AGPAT4: variants seen among roughly 807,000 people sequenced by gnomAD.
AGPAT4 encodes 1-acylglycerol-3-phosphate O-acyltransferase 4.
In AGPAT4, 15 loss-of-function variants were observed where a neutral mutation model predicts 48.0. The observed-to-expected ratio is 0.31, with a 90% CI of 0.21 to 0.48. The LOEUF is 0.48. Ranked by LOEUF, AGPAT4 falls within the 20% of genes least tolerant of loss-of-function variation. The pLI, the probability that AGPAT4 is intolerant of heterozygous loss-of-function variation, is 0.99. For missense variants in AGPAT4, 314 were observed against 482.5 expected (o/e 0.65, Z 3.27); for synonymous variants, 178 against 198.7 (o/e 0.90, Z 0.88).
intron 1 of AGPAT4, among the ~76,000 whole-genome samples, chr6:161,269,145 C>T (rs186016384): frequency 6.6e-4 from 101 of 152,196 alleles, no homozygotes; most frequent in Non-Finnish European, 4.1e-4. Flanking sequence ...CTGTTGTCAC[C>T]TGGAAATCTA....
At chr6:161,248,221 C>T (rs946393772) in intron 1 of AGPAT4, among the ~76,000 whole-genome samples, 56 of 152,122 alleles carry the variant, frequency 3.7e-4, no homozygotes, top group Admixed American at 2.9e-3. Context: ...TATACACCAA[C>T]AATAGACAAG....
In AGPAT4 at chr6:161,249,505, G is replaced by A. The variant is rs1782748947; in HGVS notation, c.-89-17203C>T. ...CAACCCCATTAAAAAGTGGGCAAAG[G>A]ACATGAACAGACACTTTTCAGAAGA... On this transcript the variant is annotated intron_variant, in intron 1 of 8. Transcript: ENST00000320285. This position sits in a 1 kb window ranked among gnomAD's most constrained non-coding sequence, Gnocchi z 6.2. 1.3e-5 allele frequency among the ~76,000 whole-genome samples: 2 copies of A among 151,952 alleles called. No homozygotes were observed. The highest frequency in any genetic ancestry group is 2.9e-5 in the Non-Finnish European group (2 of 68,000).
chr6:161,272,606 A>T lies in AGPAT4; in HGVS notation c.-90+1332T>A, dbSNP rs6930587. Among the ~76,000 whole-genome samples the T allele has an allele frequency of 0.38, 58,017 of 151,860 alleles. 13,283 individuals carry two copies. Among genetic ancestry groups the T allele is most frequent in the African/African-American group, 0.63 (26,114 of 41,362 alleles). ...TCTCATTTCATATTTTTTCTGAATA[A>T]CAGTTTTTCTCCCCATAGAGAATAT... On this transcript the variant is annotated intron_variant, in intron 1 of 8. Transcript: ENST00000320285. The surrounding 1 kb of genome is among the most constrained non-coding windows in gnomAD (Gnocchi z 4.2).
chr6:161,133,422 A>T lies in AGPAT4; in HGVS notation c.*3118T>A, dbSNP rs929043487. On this transcript the variant is annotated 3_prime_UTR_variant, in exon 9 of 9. Coordinates refer to ENST00000320285, the MANE Select transcript of AGPAT4 (RefSeq NM_020133.3). ...CGAGATATTCCAGTACTACTGTGTGATCATATGAAAAAAGTTGGTTTTCTC... is the reference window on the plus strand; with the variant it reads ...CGAGATATTCCAGTACTACTGTGTGTTCATATGAAAAAAGTTGGTTTTCTC... 2 of 152,164 alleles carry T rather than the reference A, an allele frequency of 1.3e-5. No homozygotes were observed. Among genetic ancestry groups the T allele is most frequent in the Non-Finnish European group, 2.9e-5 (2 of 68,028 alleles). The allele number at this position is 152,164 out of a possible 1,614,324, so 9.4% of individuals were successfully genotyped here. A position where few individuals can be genotyped will look rare whatever the true frequency, so the allele number is the denominator to read the frequency against.
In AGPAT4 at chr6:161,184,104, C is replaced by T. The variant is rs1336438786; in HGVS notation, c.179-17687G>A. ...TTTGCCCACTGGTGTACATCCAGTGCCTGGAACTGGGGACACATTTCAGAG... is the reference window on the plus strand; with the variant it reads ...TTTGCCCACTGGTGTACATCCAGTGTCTGGAACTGGGGACACATTTCAGAG... On this transcript the variant is annotated intron_variant, in intron 2 of 8. Transcript: ENST00000320285. The surrounding 1 kb of genome is among the most constrained non-coding windows in gnomAD (Gnocchi z 4.8). 6.6e-6 allele frequency among the ~76,000 whole-genome samples: 1 copy of T among 152,048 alleles called. No homozygotes were observed.
rs1458153995 is a variant in AGPAT4, at chr6:161,226,678, T to C, written c.178+5358A>G. 6.6e-6 allele frequency among the ~76,000 whole-genome samples: 1 copy of C among 152,188 alleles called. No homozygotes were observed. The highest frequency in any genetic ancestry group is 2.4e-5 in the African/African-American group (1 of 41,452). Reference sequence around the variant, plus strand: ...GCTAGGTTCACTTTGTATAAAATTTTAACACATAGAATGAAAGCAGATGAT... The same window carrying C: ...GCTAGGTTCACTTTGTATAAAATTTCAACACATAGAATGAAAGCAGATGAT... On this transcript the variant is annotated intron_variant, in intron 2 of 8. Transcript: ENST00000320285. The surrounding 1 kb of genome is among the most constrained non-coding windows in gnomAD (Gnocchi z 6.3).
Position 161,261,935 on chromosome 6 carries a change from T to A in AGPAT4, c.-90+12003A>T, listed in dbSNP as rs1399812206. Among the ~76,000 whole-genome samples the A allele has an allele frequency of 6.6e-6, 1 of 152,154 alleles. No homozygotes were observed. Among genetic ancestry groups the A allele is most frequent in the African/African-American group, 2.4e-5 (1 of 41,424 alleles). On this transcript the variant is annotated intron_variant, in intron 1 of 8. Coordinates refer to ENST00000320285, the MANE Select transcript of AGPAT4 (RefSeq NM_020133.3). This position sits in a 1 kb window ranked among gnomAD's most constrained non-coding sequence, Gnocchi z 5.3. Reference sequence around the variant, plus strand: ...TTTGCCTGTATGAGCTGTGCAGCCCTGGGAAGACTGCTGACCCCCAGGCTC... The same window carrying A: ...TTTGCCTGTATGAGCTGTGCAGCCCAGGGAAGACTGCTGACCCCCAGGCTC...
chr6:161,181,918 T>C (rs1483518840), intron 2 of AGPAT4, among the ~76,000 whole-genome samples: 1 of 152,164 alleles, frequency 6.6e-6, no homozygotes, highest in Non-Finnish European at 1.5e-5. Flanking sequence ...AATCTTACTC[T>C]TTTATGTGTA....
rs899389897 is a variant in AGPAT4, at chr6:161,139,390, C to T, written c.1042+32G>A. The T allele has an allele frequency of 1.2e-6, 2 of 1,609,970 alleles. No individual in the cohort carries two copies. Among genetic ancestry groups the T allele is most frequent in the Non-Finnish European group, 1.7e-6 (2 of 1,177,174 alleles). On this transcript the variant is annotated intron_variant, in intron 8 of 8. Coordinates refer to ENST00000320285, the MANE Select transcript of AGPAT4 (RefSeq NM_020133.3). This position sits in a 1 kb window ranked among gnomAD's most constrained non-coding sequence, Gnocchi z 9.1. ...GCCACCTCTCCCAGGGTGGTGCTGT[C>T]AGCACCCACCAGCCCCTTGCCCTCC...
At position 161,178,702 on chromosome 6, in the gene AGPAT4, G is replaced by A. The variant is rs766335648; in HGVS notation, c.179-12285C>T. Among the ~76,000 whole-genome samples, 11 of 152,262 alleles carry A rather than the reference G, an allele frequency of 7.2e-5. No homozygotes were observed. The highest frequency in any genetic ancestry group is 2.1e-4 in the South Asian group (1 of 4,824). ...GAAGTGCAGAAATCACCCATCTTCC[G>A]CATCACTCACACTGGGAGCTGTAGA... is the stretch of plus-strand genomic sequence containing the variant. On this transcript the variant is annotated intron_variant, in intron 2 of 8. Transcript: ENST00000320285. This position sits in a 1 kb window ranked among gnomAD's most constrained non-coding sequence, Gnocchi z 5.1.
At chr6:161,269,055 A>G (rs1450110465) in intron 1 of AGPAT4, among the ~76,000 whole-genome samples, 1 of 152,242 alleles carries the variant, frequency 6.6e-6, no homozygotes, top group Non-Finnish European at 1.5e-5. Context: ...GAGGATATTC[A>G]GTGAACTAAT....
intron 2 of AGPAT4, among the ~76,000 whole-genome samples, chr6:161,224,640 CAAAAAAAAA>C (rs71543000): frequency 1.3e-5 from 1 of 78,674 alleles, no homozygotes; most frequent in Non-Finnish European, 2.4e-5. Flanking sequence ...GACTCCTTCT[CAAAAAAAAA>C]AAAAAAAAAA....
intron 2 of AGPAT4, among the ~76,000 whole-genome samples, chr6:161,224,769 T>C (rs1781928070): frequency 6.6e-6 from 1 of 151,976 alleles, no homozygotes; most frequent in African/African-American, 2.4e-5. Context: ...AGGTGCTGAA[T>C]ACTTCTTGAA....
rs1375144242 is a variant in AGPAT4, at chr6:161,219,872, T to TAGATAGATAGATAGATAGGCAGGC, written c.178+12163_178+12164insGCCTGCCTATCTATCTATCTATCT. 3.3e-5 allele frequency among the ~76,000 whole-genome samples: 4 copies of TAGATAGATAGATAGATAGGCAGGC among 121,166 alleles called. No individual in the cohort carries two copies. The highest frequency in any genetic ancestry group is 8.5e-5 in the Admixed American group (1 of 11,760). The allele number at this position is 121,166 out of a possible 152,430, so 79.5% of individuals were successfully genotyped here. On this transcript the variant is annotated intron_variant, in intron 2 of 8. Transcript: ENST00000320285. This position sits in a 1 kb window ranked among gnomAD's most constrained non-coding sequence, Gnocchi z 4.9. Reference sequence around the variant, plus strand: ...ATAGATAGATAGATAGATAGATAGATAGGCAGGCAGGCAGGCAGGCAGGCA... The same window carrying TAGATAGATAGATAGATAGGCAGGC: ...ATAGATAGATAGATAGATAGATAGATAGATAGATAGATAGATAGGCAGGCAGGCAGGCAGGCAGGCAGGCAGGCA...
At chr6:161,239,577 A>C (rs1269874947) in intron 1 of AGPAT4, among the ~76,000 whole-genome samples, 2 of 152,244 alleles carry the variant, frequency 1.3e-5, no homozygotes, top group African/African-American at 2.4e-5. Flanking sequence ...CAAAGAAATC[A>C]GTCCAAGAAG....
intron 2 of AGPAT4, among the ~76,000 whole-genome samples, chr6:161,224,174 T>C (rs1377588838): frequency 6.6e-6 from 1 of 152,164 alleles, no homozygotes; most frequent in East Asian, 1.9e-4. Flanking sequence ...TTGTTGTTGC[T>C]TGTTTGTTTG....
chr6:161,232,274 G>T lies in AGPAT4; in HGVS notation c.-61C>A. On this transcript the variant is annotated 5_prime_UTR_variant, in exon 2 of 9. Transcript: ENST00000320285. The surrounding 1 kb of genome is among the most constrained non-coding windows in gnomAD (Gnocchi z 6.8). ...ACCCACAGTCAAAGATTTCCAGAAG[G>T]AAGAAAGATCCAGGACTCAGGAAGG... is the stretch of plus-strand genomic sequence containing the variant. 1 of 1,525,888 alleles carries T rather than the reference G, an allele frequency of 6.6e-7. No homozygotes were observed. The highest frequency in any genetic ancestry group is 8.9e-7 in the Non-Finnish European group (1 of 1,123,160). 94.5% of individuals were successfully genotyped at this position (1,525,888 alleles called of 1,614,324 possible).
rs118145568 is a variant in AGPAT4 at position 161,165,325 on chromosome 6, C to T, written c.348+923G>A. Among the ~76,000 whole-genome samples, 8,208 of 152,234 alleles carry T rather than the reference C, an allele frequency of 0.054. 325 individuals carry two copies. Among genetic ancestry groups the T allele is most frequent in the Non-Finnish European group, 0.07 (4,768 of 67,992 alleles). ...GCTATCTTCATCTGCCTCCAGGAACCAGACCCGTCTAGTTCCCTATGTCCT... is the reference window on the plus strand; with the variant it reads ...GCTATCTTCATCTGCCTCCAGGAACTAGACCCGTCTAGTTCCCTATGTCCT... On this transcript the variant is annotated intron_variant, in intron 3 of 8. Coordinates refer to ENST00000320285, the MANE Select transcript of AGPAT4 (RefSeq NM_020133.3). This position sits in a 1 kb window ranked among gnomAD's most constrained non-coding sequence, Gnocchi z 5.5.
rs1779723291 is a variant in AGPAT4, at chr6:161,154,860, A to T, written c.349-550T>A. 6.6e-6 allele frequency among the ~76,000 whole-genome samples: 1 copy of T among 152,222 alleles called. No individual in the cohort carries two copies. Among genetic ancestry groups the T allele is most frequent in the Admixed American group, 6.5e-5 (1 of 15,286 alleles). Reference sequence around the variant, plus strand: ...TTGGCCAAAGATTCATTTGAATCCGATTTTTCCGAGACAGCTCAACTCACT... The same window carrying T: ...TTGGCCAAAGATTCATTTGAATCCGTTTTTTCCGAGACAGCTCAACTCACT... On this transcript the variant is annotated intron_variant, in intron 3 of 8. Coordinates refer to ENST00000320285, the MANE Select transcript of AGPAT4 (RefSeq NM_020133.3). This position sits in a 1 kb window ranked among gnomAD's most constrained non-coding sequence, Gnocchi z 7.8.
Sources: gnomAD v4.1 joint callset for allele counts (sites outside exome capture counted in the v4.1 genomes callset) on GRCh38, gnomAD v4.1.1 for gene constraint, Gnocchi (gnomAD v3.1) non-coding constraint, MANE v1.5 for transcripts, NCBI Gene and HGNC (gene_info 2026-07-23, HGNC 2026-07-21) for gene names.